TGFBR2: variants seen among roughly 807,000 people sequenced by gnomAD.
TGFBR2 encodes TGF-beta receptor type-2.
TGFBR2 carries 18 observed loss-of-function variants against 49.0 expected under a neutral mutation model. The ratio of observed to expected loss-of-function variants is 0.37; its 90% CI spans 0.25 to 0.54. TGFBR2 has a LOEUF of 0.54. Ranked by LOEUF, TGFBR2 falls within the 20% of genes least tolerant of loss-of-function variation. TGFBR2 has a pLI of 0.85. For missense variants in TGFBR2, 525 were observed against 722.6 expected (o/e 0.73, Z 3.13); for synonymous variants, 282 against 275.9 (o/e 1.02, Z -0.22).
chr3:30,609,778 A>G (rs911052766), intron 1 of TGFBR2, among the ~76,000 whole-genome samples: 1 of 152,228 alleles, frequency 6.6e-6, no homozygotes, highest in Non-Finnish European at 1.5e-5. Flanking sequence ...GAGACTAGAC[A>G]TCATTAGGCC....
intron 2 of TGFBR2, among the ~76,000 whole-genome samples, chr3:30,648,463 A>ACACAG (rs1698817714): frequency 9.7e-5 from 7 of 72,010 alleles, no homozygotes; most frequent in Non-Finnish European, 1.9e-4. Flanking sequence ...CACACACACA[A>ACACAG]AACTGTGGGG....
intron 1 of TGFBR2, among the ~76,000 whole-genome samples, chr3:30,640,637 A>G (rs1698626224): frequency 6.7e-6 from 1 of 149,108 alleles, no homozygotes; most frequent in Admixed American, 6.7e-5. Flanking sequence ...AATTCAGTAC[A>G]GCCACAATCA....
intron 3 of TGFBR2, among the ~76,000 whole-genome samples, chr3:30,663,043 G>T (rs1363769765): frequency 1.3e-5 from 2 of 152,262 alleles, no homozygotes; most frequent in East Asian, 3.9e-4. Flanking sequence ...TGGTCTGCGG[G>T]CACACTTAGA....
chr3:30,628,112 C>CT (rs58634787), intron 1 of TGFBR2, among the ~76,000 whole-genome samples: 48,087 of 110,694 alleles, frequency 0.43, 8,802 homozygotes, highest in East Asian at 0.68. Context: ...GCAGCCAGGC[C>CT]TTTTTTTTTT....
At chr3:30,646,224 G>A (rs575943740) in intron 2 of TGFBR2, among the ~76,000 whole-genome samples, 39 of 152,106 alleles carry the variant, frequency 2.6e-4, no homozygotes, top group Non-Finnish European at 4.1e-4. Context: ...TACATACCAC[G>A]GGATGAACTG....
chr3:30,675,013 G>A (rs1424781541), intron 5 of TGFBR2, among the ~76,000 whole-genome samples: 1 of 152,132 alleles, frequency 6.6e-6, no homozygotes, highest in African/African-American at 2.4e-5. Context: ...CCATGAGACT[G>A]TAGATAGAAT....
intron 5 of TGFBR2, among the ~76,000 whole-genome samples, chr3:30,686,063 A>G (rs1699615169): frequency 6.6e-6 from 1 of 152,232 alleles, no homozygotes; most frequent in African/African-American, 2.4e-5. Flanking sequence ...TCAGTTCAGT[A>G]TATTCATTTT....
intron 1 of TGFBR2, among the ~76,000 whole-genome samples, chr3:30,616,515 G>A (rs1016571430): frequency 1.3e-5 from 2 of 152,154 alleles, no homozygotes; most frequent in Non-Finnish European, 2.9e-5. Context: ...AGGTGTCTGG[G>A]TGACCAGGCT....
chr3:30,671,769 A>G lies in TGFBR2; in HGVS notation c.586A>G (p.Lys196Glu). The change falls in exon 4 of 7, where the codon AAG becomes GAG. Residue 196 changes from lysine (K) to glutamate (E), a missense_variant. Lys to Glu is a moderately conservative substitution (Grantham distance 56, BLOSUM62 1). Transcript: ENST00000295754. ...CTGCTACCGCGTTAACCGGCAGCAG[A>G]AGCTGAGTTCAACCTGGGAAACCGG... The part of the protein sequence containing the change: ...FYCYRVNRQQ[K>E]LSSTWETGKT... 1 of 1,614,214 alleles carries G rather than the reference A, an allele frequency of 6.2e-7. No individual in the cohort carries two copies. Among genetic ancestry groups the G allele is most frequent in the South Asian group, 1.1e-5 (1 of 91,086 alleles).
chr3:30,623,247 A>ATAGG, intron 1 of TGFBR2: 1 of 1,613,718 alleles, frequency 6.2e-7, no homozygotes, highest in Non-Finnish European at 8.5e-7. Context: ...CCCAGCTGTA[A>ATAGG]TAGGACTGCC....
intron 1 of TGFBR2, among the ~76,000 whole-genome samples, chr3:30,612,631 C>T (rs1002027461): frequency 6.6e-6 from 1 of 152,200 alleles, no homozygotes; most frequent in African/African-American, 2.4e-5. Context: ...TGGTAGGACT[C>T]ATGGTGGGTG....
At chr3:30,652,803 A>T (rs1575147900) in intron 3 of TGFBR2, among the ~76,000 whole-genome samples, 1 of 152,338 alleles carries the variant, frequency 6.6e-6, no homozygotes, top group East Asian at 1.9e-4. Context: ...ACAAAAGTTG[A>T]TAAATGGCCT....
At chr3:30,654,892 G>T (rs889149402) in intron 3 of TGFBR2, among the ~76,000 whole-genome samples, 2 of 152,236 alleles carry the variant, frequency 1.3e-5, no homozygotes, top group African/African-American at 4.8e-5. Flanking sequence ...AGTGCAGTCA[G>T]ACATTTAATT....
intron 1 of TGFBR2, among the ~76,000 whole-genome samples, chr3:30,636,254 T>G (rs1227942583): frequency 6.6e-6 from 1 of 151,878 alleles, no homozygotes; most frequent in Non-Finnish European, 1.5e-5. Flanking sequence ...ACTAGGTATT[T>G]TACTAGAATT....
At position 30,650,377 on chromosome 3, in the gene TGFBR2, A is replaced by G. The variant is rs776374040; in HGVS notation, c.371A>G (p.Lys124Arg). 5 of 1,614,002 alleles carry G rather than the reference A, an allele frequency of 3.1e-6. No homozygotes were observed. In the South Asian group the frequency reaches 5.5e-5, roughly 18 times the overall value. ...EDAASPKCIM[K>R]EKKKPGETFF... ...GCTGCTTCTCCAAAGTGCATTATGA[A>G]GGAAAAAAAAAAGCCTGGTGAGACT... The change falls in exon 3 of 7, where the codon AAG becomes AGG. Residue 124 changes from lysine (K) to arginine (R), a missense_variant. Lys to Arg is a conservative substitution (Grantham distance 26). This residue lies in a region of TGFBR2 where 376 missense variants were observed against 478.2 expected (regional missense o/e 0.79). Transcript: ENST00000295754.
chr3:30,669,380 G>A (rs1699300655), intron 3 of TGFBR2, among the ~76,000 whole-genome samples: 1 of 152,110 alleles, frequency 6.6e-6, no homozygotes, highest in African/African-American at 2.4e-5. Flanking sequence ...CACATGAGGA[G>A]TTTAGGAGTG....
rs76475722 is a variant in TGFBR2 at position 30,676,825 on chromosome 3, T to C, written c.1396+2579T>C. Among the ~76,000 whole-genome samples, 2,033 of 152,336 alleles carry C rather than the reference T, an allele frequency of 0.013. 48 individuals carry two copies. The highest frequency in any genetic ancestry group is 0.047 in the African/African-American group (1,946 of 41,562). ...TATCTAGCTGACATAGTTATTATTA[T>C]CTAGTTTCTTGACTGAGATTTCTTC... On this transcript the variant is annotated intron_variant, in intron 5 of 6. Coordinates refer to ENST00000295754, the MANE Select transcript of TGFBR2 (RefSeq NM_003242.6). This position sits in a 1 kb window ranked among gnomAD's most constrained non-coding sequence, Gnocchi z 4.3.
intron 1 of TGFBR2, chr3:30,623,304 T>C: frequency 6.2e-7 from 1 of 1,612,476 alleles, no homozygotes; most frequent in Middle Eastern, 1.7e-4. Context: ...CTTTTCATCA[T>C]TTTTCTATTT....
At chr3:30,622,394 G>A (rs1233032872) in intron 1 of TGFBR2, among the ~76,000 whole-genome samples, 2 of 152,124 alleles carry the variant, frequency 1.3e-5, no homozygotes, top group Non-Finnish European at 2.9e-5. Context: ...GGGTTTCTGT[G>A]TACTTTATTG....
Sources: gnomAD v4.1 joint callset for allele counts (sites outside exome capture counted in the v4.1 genomes callset) on GRCh38, gnomAD v4.1.1 for gene constraint, gnomAD v4.1.1 regional missense constraint, Gnocchi (gnomAD v3.1) non-coding constraint, MANE v1.5 for transcripts, NCBI Gene and HGNC (gene_info 2026-07-23, HGNC 2026-07-21) for gene names.